The following NCAM2 variants were observed in gnomAD, a reference collection of about 807,000 sequenced individuals.
NCAM2 encodes N-CAM-2.
In NCAM2, 30 loss-of-function variants were observed where a neutral mutation model predicts 98.1. That is an observed-to-expected ratio of 0.31 (90% CI 0.23 to 0.41). The LOEUF is 0.41. Ranked by LOEUF, NCAM2 falls within the 10% of genes least tolerant of loss-of-function variation. The probability of loss-of-function intolerance (pLI) is 1.00; values close to 1 mark genes in which losing one functional copy is unlikely to be tolerated. For missense variants in NCAM2, 867 were observed against 1,005.8 expected, an observed-to-expected ratio of 0.86 and a Z score of 1.87; for synonymous variants, 368 against 342.4, an observed-to-expected ratio of 1.07 and a Z score of -0.83.
chr21:21,446,494 G>A lies in NCAM2; in HGVS notation c.1654+14213G>A, dbSNP rs571547837. 1.4e-4 allele frequency among the ~76,000 whole-genome samples: 21 copies of A among 151,754 alleles called. 1 individual carries two copies. Among genetic ancestry groups the A allele is most frequent in the African/African-American group, 2.9e-4 (12 of 41,442 alleles). ...TCAATCATAAGCCCAGTCTTTTTAC[G>A]TAGTCCCATATTCTGTCATCACTCC... On this transcript the variant is annotated intron_variant, in intron 12 of 17. Coordinates refer to ENST00000400546, the MANE Select transcript of NCAM2 (RefSeq NM_004540.5).
At chr21:21,394,127 T>G (rs1248758546) in intron 9 of NCAM2, among the ~76,000 whole-genome samples, 1 of 152,160 alleles carries the variant, frequency 6.6e-6, no homozygotes, top group Non-Finnish European at 1.5e-5. Flanking sequence ...TGTTTAAAAT[T>G]AGAACAAAAA....
intron 1 of NCAM2, among the ~76,000 whole-genome samples, chr21:21,253,287 A>T (rs563107056): frequency 6.6e-6 from 1 of 152,312 alleles, no homozygotes; most frequent in African/African-American, 2.4e-5. Flanking sequence ...TTTTAATAGT[A>T]TTGAGAACAA....
At chr21:21,032,536 C>T (rs1253463475) in intron 1 of NCAM2, among the ~76,000 whole-genome samples, 1 of 152,150 alleles carries the variant, frequency 6.6e-6, no homozygotes, top group Non-Finnish European at 1.5e-5. Flanking sequence ...GTCAACATTA[C>T]ATCAGTTTGA....
intron 3 of NCAM2, among the ~76,000 whole-genome samples, chr21:21,285,671 CTCAT>C (rs1336037721): frequency 4.6e-5 from 7 of 152,068 alleles, no homozygotes; most frequent in Non-Finnish European, 5.9e-5. Context: ...TCCATGTTCA[CTCAT>C]TCATTCATTC....
chr21:21,190,978 G>A (rs887642808), intron 1 of NCAM2, among the ~76,000 whole-genome samples: 6 of 152,102 alleles, frequency 3.9e-5, no homozygotes, highest in Non-Finnish European at 7.4e-5. Flanking sequence ...ATCAAAGGCC[G>A]TGTATATTTA....
intron 1 of NCAM2, among the ~76,000 whole-genome samples, chr21:21,194,506 G>T (rs950353502): frequency 2.0e-5 from 3 of 151,900 alleles, no homozygotes; most frequent in African/African-American, 7.3e-5. Flanking sequence ...CACTAGTAAG[G>T]GGCAAACACA....
At chr21:21,346,121 G>A (rs1452272041) in intron 8 of NCAM2, among the ~76,000 whole-genome samples, 1 of 148,216 alleles carries the variant, frequency 6.7e-6, no homozygotes, top group Non-Finnish European at 1.5e-5. Flanking sequence ...ACAAAAATAA[G>A]ACCCATTGAT....
intron 1 of NCAM2, among the ~76,000 whole-genome samples, chr21:21,122,061 G>T (rs2066687479): frequency 6.6e-6 from 1 of 152,152 alleles, no homozygotes; most frequent in Non-Finnish European, 1.5e-5. Context: ...AACAAAAATC[G>T]ATTAATGTTA....
intron 1 of NCAM2, among the ~76,000 whole-genome samples, chr21:21,240,160 T>A (rs961835314): frequency 3.3e-5 from 5 of 152,170 alleles, no homozygotes; most frequent in Admixed American, 2.0e-4. Context: ...AAGAGCAAGA[T>A]TTAAACTAAA....
chr21:21,524,895 T>A (rs1989241646), intron 16 of NCAM2, among the ~76,000 whole-genome samples: 1 of 152,076 alleles, frequency 6.6e-6, no homozygotes, highest in Non-Finnish European at 1.5e-5. Flanking sequence ...GATTAAACAA[T>A]GTACATTTAA....
chr21:21,241,437 C>T (rs1422408726), intron 1 of NCAM2, among the ~76,000 whole-genome samples: 1 of 152,096 alleles, frequency 6.6e-6, no homozygotes, highest in East Asian at 1.9e-4. Context: ...AAATTGTTAA[C>T]TTCTGTATTT....
intron 5 of NCAM2, among the ~76,000 whole-genome samples, chr21:21,314,598 T>G (rs1045576850): frequency 6.6e-6 from 1 of 152,168 alleles, no homozygotes; most frequent in Non-Finnish European, 1.5e-5. Flanking sequence ...CTTTTCCTTC[T>G]TGGATTTCAT....
At chr21:21,193,741 A>C (rs1601612038) in intron 1 of NCAM2, among the ~76,000 whole-genome samples, 1 of 151,880 alleles carries the variant, frequency 6.6e-6, no homozygotes, top group Non-Finnish European at 1.5e-5. Context: ...TGATCCGCCC[A>C]CCTCGGCCTC....
At chr21:21,221,282 A>G (rs553767663) in intron 1 of NCAM2, among the ~76,000 whole-genome samples, 48 of 152,088 alleles carry the variant, frequency 3.2e-4, no homozygotes, top group Non-Finnish European at 6.2e-4. Context: ...CACCCCTACA[A>G]TGGCCTCTAA....
At chr21:21,067,042 A>G (rs56117340) in intron 1 of NCAM2, among the ~76,000 whole-genome samples, 26,221 of 151,872 alleles carry the variant, frequency 0.17, 2,482 homozygotes, top group Non-Finnish European at 0.19. Flanking sequence ...TTATGCAGAT[A>G]TGGAGTATAA....
At chr21:21,259,373 A>T (rs2071804416) in intron 1 of NCAM2, among the ~76,000 whole-genome samples, 1 of 151,494 alleles carries the variant, frequency 6.6e-6, no homozygotes, top group African/African-American at 2.4e-5. Flanking sequence ...GAAAGTCGTA[A>T]GTCCTGCAGT....
At chr21:21,494,332 TA>T (rs1162798327) in intron 15 of NCAM2, among the ~76,000 whole-genome samples, 10 of 151,972 alleles carry the variant, frequency 6.6e-5, no homozygotes, top group Admixed American at 6.6e-4. Flanking sequence ...AATGAAAATA[TA>T]TTTTTCATTT....
rs185754624 is a variant in NCAM2, at chr21:21,541,246, A to G, written c.*3289A>G. 2.0e-5 allele frequency: 3 copies of G among 151,774 alleles called. No homozygotes were observed. Among genetic ancestry groups the G allele is most frequent in the Admixed American group, 2.0e-4 (3 of 15,218 alleles). 9.4% of individuals were successfully genotyped at this position (151,774 alleles called of 1,614,324 possible). A position where few individuals can be genotyped will look rare whatever the true frequency, so the allele number is the denominator to read the frequency against. On this transcript the variant is annotated 3_prime_UTR_variant, in exon 18 of 18. Transcript: ENST00000400546. ...AATTAGCATGACAGTCTGCTTTATT[A>G]AAAGAAAAAAACTACAATTAACATC...
chr21:21,541,781 A>G lies in NCAM2; in HGVS notation c.*3824A>G, dbSNP rs1052862591. On this transcript the variant is annotated 3_prime_UTR_variant, in exon 18 of 18. Transcript: ENST00000400546. Reference sequence around the variant, plus strand: ...TATGAGGTTCCCAATGTTGTTTTTCACAGAAAATAAGGTAAACATTCAACT... The same window carrying G: ...TATGAGGTTCCCAATGTTGTTTTTCGCAGAAAATAAGGTAAACATTCAACT... The G allele has an allele frequency of 6.6e-5, 10 of 151,802 alleles. No homozygotes were observed. The highest frequency in any genetic ancestry group is 2.4e-4 in the African/African-American group (10 of 41,412). 9.4% of individuals were successfully genotyped at this position (151,802 alleles called of 1,614,324 possible). A position where few individuals can be genotyped will look rare whatever the true frequency, so the allele number is the denominator to read the frequency against.
Sources: allele counts gnomAD v4.1 joint callset (sites outside exome capture counted in the v4.1 genomes callset), GRCh38; gene constraint gnomAD v4.1.1; transcripts MANE v1.5; gene names NCBI Gene and HGNC (gene_info 2026-07-23, HGNC 2026-07-21).